Variants in S100Z observed in about 807,000 individuals in gnomAD.
S100Z encodes S100 calcium binding protein Z, also known as protein S100-Z.
S100Z carries 11 observed loss-of-function variants against 8.5 expected under a neutral mutation model. The observed-to-expected ratio is 1.30, with a 90% CI of 0.82 to 2.15. The LOEUF (loss-of-function observed/expected upper bound fraction) is 2.15, where lower values mean the gene tolerates loss of function less well. Ranked by LOEUF, S100Z falls within the 30% of genes most tolerant of loss-of-function variation. S100Z has a pLI of 0.00. For synonymous variants in S100Z, 34 were observed against 43.8 expected (o/e 0.78, Z 0.89); for missense variants, 126 against 117.9 (o/e 1.07, Z -0.32).
At chr5:76,862,093 A>C (rs1253553264) in intron 1 of S100Z, among the ~76,000 whole-genome samples, 1 of 149,038 alleles carries the variant, frequency 6.7e-6, no homozygotes, top group Non-Finnish European at 1.5e-5. Flanking sequence ...CAGTTTTGTT[A>C]CCTTTTTTTC....
chr5:76,877,205 G>C (rs1191197372), intron 3 of S100Z, among the ~76,000 whole-genome samples: 3 of 152,146 alleles, frequency 2.0e-5, no homozygotes, highest in Non-Finnish European at 4.4e-5. Flanking sequence ...TCAAAAGTGT[G>C]ATGAAGTATC....
At chr5:76,889,640 G>C (rs1200902067) in intron 4 of S100Z, among the ~76,000 whole-genome samples, 1 of 152,210 alleles carries the variant, frequency 6.6e-6, no homozygotes, top group Non-Finnish European at 1.5e-5. Flanking sequence ...GATTAAAAGT[G>C]GGGAAAAGCA....
chr5:76,897,829 T>G (rs1385046680), intron 4 of S100Z, among the ~76,000 whole-genome samples: 1 of 152,248 alleles, frequency 6.6e-6, no homozygotes, highest in Non-Finnish European at 1.5e-5. Flanking sequence ...TGTATGTTGA[T>G]TTTGTATCTT....
chr5:76,880,394 C>T (rs531864699), intron 4 of S100Z, among the ~76,000 whole-genome samples: 5 of 151,812 alleles, frequency 3.3e-5, no homozygotes, highest in South Asian at 2.1e-4. Context: ...GTTGGGGTGG[C>T]GAAAGTTTTT....
chr5:76,917,820 CAAA>C (rs10665272), intron 4 of S100Z, among the ~76,000 whole-genome samples: 17 of 130,616 alleles, frequency 1.3e-4, no homozygotes, highest in African/African-American at 4.6e-4. Flanking sequence ...AAGACTGTCT[CAAA>C]AAAAAAAAAA....
At chr5:76,852,023 G>A (rs1750742858) in intron 1 of S100Z, among the ~76,000 whole-genome samples, 1 of 151,542 alleles carries the variant, frequency 6.6e-6, no homozygotes, top group African/African-American at 2.4e-5. Context: ...TAAAATCCAG[G>A]AATTCTTAAA....
the S100Z span, among the ~76,000 whole-genome samples, chr5:76,932,920 G>A: frequency 6.6e-6 from 1 of 152,158 alleles, no homozygotes; most frequent in Admixed American, 6.5e-5. Flanking sequence ...GTACCAGTGG[G>A]AGCTGAAACT....
chr5:76,877,971 G>A (rs1743260127), intron 4 of S100Z, 137 bp downstream of exon 4: 3 of 475,010 alleles, frequency 6.3e-6, no homozygotes, highest in Admixed American at 7.8e-5. Flanking sequence ...ATAATTAATT[G>A]CTACTATTGA....
chr5:76,951,243 G>T, the S100Z span, among the ~76,000 whole-genome samples: 1 of 152,200 alleles, frequency 6.6e-6, no homozygotes, highest in Admixed American at 6.5e-5. Context: ...GCTGTGTGTG[G>T]TTCCTGAGGA....
chr5:76,920,480 G>A (rs999403707), intron 4 of S100Z, among the ~76,000 whole-genome samples: 13 of 152,074 alleles, frequency 8.5e-5, no homozygotes, highest in African/African-American at 2.4e-4. Flanking sequence ...ACAATGCTTC[G>A]TCGGAATTTA....
At chr5:76,897,991 TTACTC>T (rs1744099785) in intron 4 of S100Z, among the ~76,000 whole-genome samples, 1 of 152,204 alleles carries the variant, frequency 6.6e-6, no homozygotes, top group Admixed American at 6.5e-5. Flanking sequence ...TCTTGTCTGA[TTACTC>T]TAGCTAGGAC....
intron 4 of S100Z, among the ~76,000 whole-genome samples, chr5:76,905,956 G>C (rs1017563488): frequency 6.6e-6 from 1 of 152,124 alleles, no homozygotes; most frequent in Admixed American, 6.6e-5. Context: ...AGCCTCCTGA[G>C]TAGCTGGGAC....
intron 1 of S100Z, among the ~76,000 whole-genome samples, chr5:76,862,840 T>C (rs188151268): frequency 6.6e-6 from 1 of 152,110 alleles, no homozygotes; most frequent in East Asian, 1.9e-4. Flanking sequence ...CTGAGGAGCA[T>C]TGCAATAAAG....
chr5:76,884,997 C>T lies in S100Z; in HGVS notation c.*2+7163C>T, dbSNP rs148560057. 9.0e-3 allele frequency among the ~76,000 whole-genome samples: 1,367 copies of T among 152,254 alleles called. 15 individuals carry two copies. The highest frequency in any genetic ancestry group is 0.031 in the African/African-American group (1,293 of 41,546). On this transcript the variant is annotated intron_variant, in intron 4 of 4. Coordinates refer to ENST00000317593, the MANE Select transcript of S100Z (RefSeq NM_130772.4). The stretch of plus-strand genomic sequence containing the variant: ...TAAAAGAATGCCTGGACGTCAGGCA[C>T]CTCAGACCATTTGCCCATTTTTTGA...
At chr5:76,945,527 C>G in the S100Z span, among the ~76,000 whole-genome samples, 5 of 152,220 alleles carry the variant, frequency 3.3e-5, no homozygotes, top group African/African-American at 4.8e-5. Context: ...GAAAAGCCGC[C>G]CTGTGGCGGG....
intron 4 of S100Z, among the ~76,000 whole-genome samples, chr5:76,884,231 G>A (rs376040446): frequency 2.7e-4 from 41 of 152,188 alleles, no homozygotes; most frequent in Non-Finnish European, 5.1e-4. Context: ...TCTTTACCTC[G>A]GGTAGTTTCT....
At chr5:76,879,860 GA>G (rs1173289550) in intron 4 of S100Z, among the ~76,000 whole-genome samples, 2 of 152,150 alleles carry the variant, frequency 1.3e-5, no homozygotes, top group Non-Finnish European at 2.9e-5. Context: ...GAAGTAGGAT[GA>G]GAACGAAGAC....
chr5:76,934,788 G>C, the S100Z span, among the ~76,000 whole-genome samples: 2 of 152,164 alleles, frequency 1.3e-5, no homozygotes, highest in Non-Finnish European at 2.9e-5. Context: ...CTTCAGAACA[G>C]TGAGAATTTA....
rs149422611 is a variant in S100Z at position 76,869,033 on chromosome 5, G to A, written c.-175-1133G>A. The stretch of plus-strand genomic sequence containing the variant: ...ATAAAGGCAATCAAATAATTATTTG[G>A]CAGTTAAACTAGACAAGGCCAACTC... On this transcript the variant is annotated intron_variant, in intron 1 of 4. Coordinates refer to ENST00000317593, the MANE Select transcript of S100Z (RefSeq NM_130772.4). Among the ~76,000 whole-genome samples the A allele has an allele frequency of 2.8e-3, 431 of 152,192 alleles. 1 individual carries two copies. Among genetic ancestry groups the A allele is most frequent in the Non-Finnish European group, 5.0e-3 (338 of 68,014 alleles).
Sources: allele counts gnomAD v4.1 joint callset (sites outside exome capture counted in the v4.1 genomes callset), GRCh38; gene constraint gnomAD v4.1.1; transcripts MANE v1.5; gene names NCBI Gene and HGNC (gene_info 2026-07-23, HGNC 2026-07-21).